WDPCP: variants seen among roughly 807,000 people sequenced by gnomAD.
WDPCP encodes WD repeat-containing and planar cell polarity effector protein fritz homolog.
WDPCP carries 71 observed loss-of-function variants against 93.1 expected under a neutral mutation model. The ratio of observed to expected loss-of-function variants is 0.76; its 90% CI spans 0.63 to 0.93. WDPCP has a LOEUF of 0.93. WDPCP is among the 40% of genes least tolerant of loss of function. The probability of loss-of-function intolerance (pLI) is 0.00; values close to 1 mark genes in which losing one functional copy is unlikely to be tolerated. For synonymous variants in WDPCP, 315 were observed against 315.0 expected, an observed-to-expected ratio of 1.00 and a Z score of 0.00; for missense variants, 844 against 887.4, an observed-to-expected ratio of 0.95 and a Z score of 0.62.
upstream of WDPCP, among the ~76,000 whole-genome samples, chr2:63,829,443 C>T (rs1419483783): frequency 6.6e-6 from 1 of 152,036 alleles, no homozygotes; most frequent in Admixed American, 6.6e-5. Context: ...CAACTCCTTG[C>T]TTTTTTAACA....
chr2:63,765,517 T>G (rs1172844207), intron 2 of WDPCP, among the ~76,000 whole-genome samples: 2 of 152,182 alleles, frequency 1.3e-5, no homozygotes, highest in South Asian at 2.1e-4. Context: ...TGAATTGAAC[T>G]GGGGCCTTGA....
intron 3 of WDPCP, chr2:63,622,455 A>G (rs552619423): frequency 2.1e-4 from 346 of 1,613,762 alleles, no homozygotes; most frequent in Non-Finnish European, 2.3e-4. Flanking sequence ...TTCCCGGCGG[A>G]TTTCAGTCCA....
intron 3 of WDPCP, among the ~76,000 whole-genome samples, chr2:63,641,889 T>C (rs140654057): frequency 1.4e-3 from 212 of 152,312 alleles, no homozygotes; most frequent in Non-Finnish European, 2.5e-3. Context: ...CGTGGAGACT[T>C]TCCCCAATAT....
chr2:63,335,771 C>G (rs1375916639), intron 12 of WDPCP, among the ~76,000 whole-genome samples: 1 of 152,170 alleles, frequency 6.6e-6, no homozygotes, highest in Non-Finnish European at 1.5e-5. Flanking sequence ...CTGAAACCTA[C>G]TGGGCTGCAA....
Position 63,313,886 on chromosome 2 carries a change from A to ATATATATAT in WDPCP, c.1749-576_1749-575insATATATATA. Among the ~76,000 whole-genome samples the ATATATATAT allele has an allele frequency of 1.8e-3, 131 of 74,436 alleles. 2 individuals are homozygous for ATATATATAT. The highest frequency in any genetic ancestry group is 2.7e-3 in the Non-Finnish European group (105 of 38,590). 48.8% of individuals were successfully genotyped at this position (74,436 alleles called of 152,430 possible). ...TATATATATATATATATATATATAT[A>ATATATATAT]TTTTTTTTTTTTTGGAGATGGAGTC... On this transcript the variant is annotated intron_variant, in intron 12 of 17. Transcript: ENST00000272321.
intron 13 of WDPCP, among the ~76,000 whole-genome samples, chr2:63,289,689 A>G (rs1320466692): frequency 2.0e-5 from 3 of 152,042 alleles, no homozygotes; most frequent in African/African-American, 4.8e-5. Flanking sequence ...GTTGGTTCAC[A>G]TATTTTATAT....
At chr2:63,574,360 C>T (rs539566339) in intron 1 of WDPCP, among the ~76,000 whole-genome samples, 5 of 152,232 alleles carry the variant, frequency 3.3e-5, no homozygotes, top group Admixed American at 1.3e-4. Context: ...AAAGAACCTA[C>T]GTGAAATATC....
chr2:63,365,563 T>C (rs1015311777), intron 12 of WDPCP, among the ~76,000 whole-genome samples: 8 of 152,148 alleles, frequency 5.3e-5, no homozygotes, highest in African/African-American at 1.7e-4. Context: ...TTTGATCTCT[T>C]AGGACTGGCA....
intron 1 of WDPCP, among the ~76,000 whole-genome samples, chr2:63,584,412 G>C (rs1708705697): frequency 6.6e-6 from 1 of 151,766 alleles, no homozygotes; most frequent in Non-Finnish European, 1.5e-5. Flanking sequence ...TTATTATATG[G>C]TTTGCTTTTT....
chr2:63,657,232 T>A, intron 2 of WDPCP, among the ~76,000 whole-genome samples: 1 of 106,238 alleles, frequency 9.4e-6, no homozygotes, highest in South Asian at 3.3e-4. Flanking sequence ...TGCGACGGAG[T>A]CTCGCTCTGT....
chr2:63,793,163 T>C (rs1670567643), intron 2 of WDPCP, among the ~76,000 whole-genome samples: 1 of 151,958 alleles, frequency 6.6e-6, no homozygotes, highest in Admixed American at 6.6e-5. Context: ...CACACCAGAG[T>C]ACAGTGTCTA....
chr2:63,588,686 G>A (rs1229983479), upstream of WDPCP: 3 of 459,276 alleles, frequency 6.5e-6, no homozygotes, highest in Admixed American at 1.0e-4. Context: ...GCCAATTGCC[G>A]GGCTCCATCA....
At chr2:63,732,172 G>A (rs1669570111) in intron 2 of WDPCP, among the ~76,000 whole-genome samples, 1 of 152,174 alleles carries the variant, frequency 6.6e-6, no homozygotes, top group Admixed American at 6.5e-5. Flanking sequence ...AGGGTGCTAT[G>A]CAATCATAGC....
chr2:63,642,463 C>CTTTTTTTTTTTT, intron 3 of WDPCP: 1 of 144,112 alleles, frequency 6.9e-6, no homozygotes, highest in African/African-American at 2.5e-5. Flanking sequence ...TCTTTTCTTT[C>CTTTTTTTTTTTT]TTTTTTTTTT....
At chr2:63,285,378 G>T (rs1455655771) in intron 13 of WDPCP, among the ~76,000 whole-genome samples, 1 of 150,276 alleles carries the variant, frequency 6.7e-6, no homozygotes, top group African/African-American at 2.5e-5. Context: ...AGCTTGCAGT[G>T]AGCTGAGATC....
chr2:63,497,413 G>A (rs867215535), intron 1 of WDPCP, among the ~76,000 whole-genome samples: 8 of 152,158 alleles, frequency 5.3e-5, no homozygotes, highest in Non-Finnish European at 1.2e-4. Flanking sequence ...TGATTAAGGA[G>A]GGGGCTTTGC....
intron 3 of WDPCP, chr2:63,594,859 T>G: frequency 3.0e-6 from 1 of 328,608 alleles, no homozygotes; most frequent in Non-Finnish European, 5.7e-6. Flanking sequence ...ATATCACTAA[T>G]GACAGTAACT....
In WDPCP at chr2:63,487,488, T is replaced by C; in HGVS notation, c.167A>G (p.Asp56Gly). The change falls in exon 3 of 18, where the codon GAC becomes GGC. Residue 56 changes from aspartate to glycine, a missense_variant. Asp to Gly is a moderately conservative substitution (Grantham distance 94, BLOSUM62 -1). Transcript: ENST00000272321. Reference protein sequence around the residue: ...LKNTLHIADRDIGIYQYYDKK... With the variant: ...LKNTLHIADRGIGIYQYYDKK... ...GTCATAATACTGGTAGATCCCAATGTCTCTATCTATAGAAAGGAAGAAATA... is the reference window on the plus strand; with the variant it reads ...GTCATAATACTGGTAGATCCCAATGCCTCTATCTATAGAAAGGAAGAAATA... The C allele has an allele frequency of 6.3e-7, 1 of 1,593,258 alleles. No individual in the cohort carries two copies. Among genetic ancestry groups the C allele is most frequent in the Non-Finnish European group, 8.6e-7 (1 of 1,162,302 alleles).
At position 63,121,253 on chromosome 2, in the gene WDPCP, A is replaced by G. The variant is rs1210833117; in HGVS notation, c.*753T>C. On this transcript the variant is annotated 3_prime_UTR_variant, in exon 18 of 18. Transcript: ENST00000272321. ...ATTACTCATAGCAGTAATTCGAGAG[A>G]ACCATGGAGAATTGTCTTCTAACAA... The G allele has an allele frequency of 1.3e-5, 2 of 152,188 alleles. No individual in the cohort carries two copies. The highest frequency in any genetic ancestry group is 2.9e-5 in the Non-Finnish European group (2 of 68,052). 9.4% of individuals were successfully genotyped at this position (152,188 alleles called of 1,614,324 possible).
Sources: gnomAD v4.1 joint callset for allele counts (sites outside exome capture counted in the v4.1 genomes callset) on GRCh38, gnomAD v4.1.1 for gene constraint, MANE v1.5 for transcripts, NCBI Gene and HGNC (gene_info 2026-07-23, HGNC 2026-07-21) for gene names.